The following AGBL4 variants were observed in gnomAD, a reference collection of about 807,000 sequenced individuals.
The protein encoded by AGBL4 is AGBL carboxypeptidase 4.
A neutral mutation model predicts 66.4 loss-of-function variants in AGBL4; 58 were observed. The ratio of observed to expected loss-of-function variants is 0.87; its 90% CI spans 0.71 to 1.09. The LOEUF is 1.09. Ranked by LOEUF, AGBL4 falls within the 50% of genes least tolerant of loss-of-function variation. The pLI is 0.00. For synonymous variants in AGBL4, 234 were observed against 222.9 expected (o/e 1.05, Z -0.44); for missense variants, 579 against 631.0 (o/e 0.92, Z 0.88).
In AGBL4 at chr1:49,050,496, G is replaced by C. The variant is rs182152348; in HGVS notation, c.378-4696C>G. 1.8e-3 allele frequency among the ~76,000 whole-genome samples: 281 copies of C among 152,184 alleles called. 2 individuals carry two copies. Among genetic ancestry groups the C allele is most frequent in the African/African-American group, 6.4e-3 (267 of 41,532 alleles). ...AACACTTATGAATGGATAAATGTTT[G>C]TGAATAAATAATGTCAGCTCCACTA... On this transcript the variant is annotated intron_variant, in intron 4 of 13. Transcript: ENST00000371839.
At chr1:49,175,246 C>T (rs544561077) in intron 4 of AGBL4, among the ~76,000 whole-genome samples, 6 of 151,500 alleles carry the variant, frequency 4.0e-5, no homozygotes, top group Non-Finnish European at 7.4e-5. Flanking sequence ...GGGAAATGGG[C>T]ATATAAGGGG....
intron 3 of AGBL4, among the ~76,000 whole-genome samples, chr1:49,362,041 ACTTGGATG>A (rs1182207262): frequency 6.6e-6 from 1 of 152,058 alleles, no homozygotes; most frequent in East Asian, 1.9e-4. Flanking sequence ...CCTTCCTTCC[ACTTGGATG>A]CTAAGGACAA....
intron 4 of AGBL4, among the ~76,000 whole-genome samples, chr1:49,113,958 A>AT: frequency 6.6e-6 from 1 of 152,278 alleles, no homozygotes; most frequent in East Asian, 1.9e-4. Context: ...AACAGAGGAT[A>AT]TTTTTTATAA....
Position 48,820,768 on chromosome 1 carries a change from T to C in AGBL4, c.634+46423A>G, listed in dbSNP as rs553179092. Among the ~76,000 whole-genome samples the C allele has an allele frequency of 3.2e-4, 49 of 152,108 alleles. No homozygotes were observed. In the South Asian group the frequency reaches 9.7e-3, roughly 30 times the overall value. On this transcript the variant is annotated intron_variant, in intron 6 of 13. Transcript: ENST00000371839. Reference sequence around the variant, plus strand: ...CTATACCATTAGGGGACTTAATAAATGATAAAGTTTCTGCACAGCTAAAGA... The same window carrying C: ...CTATACCATTAGGGGACTTAATAAACGATAAAGTTTCTGCACAGCTAAAGA...
At chr1:49,127,132 T>C (rs969271190) in intron 4 of AGBL4, among the ~76,000 whole-genome samples, 1 of 152,194 alleles carries the variant, frequency 6.6e-6, no homozygotes, top group African/African-American at 2.4e-5. Flanking sequence ...TAGACTCTAA[T>C]TCTTGAAATA....
chr1:48,591,040 A>AG, intron 9 of AGBL4, 55 bp from the exon 10 acceptor site: 1 of 1,513,988 alleles, frequency 6.6e-7, no homozygotes, highest in Non-Finnish European at 8.9e-7. Flanking sequence ...CTTGTGTATA[A>AG]GGGACCAGAC....
chr1:49,566,515 C>G (rs1230690078), intron 3 of AGBL4, among the ~76,000 whole-genome samples: 1 of 152,200 alleles, frequency 6.6e-6, no homozygotes, highest in African/African-American at 2.4e-5. Flanking sequence ...TTCCTTCTAA[C>G]AGTCAGGAAC....
chr1:49,076,023 G>A (rs1004126359), intron 4 of AGBL4, among the ~76,000 whole-genome samples: 2 of 152,170 alleles, frequency 1.3e-5, no homozygotes, highest in South Asian at 2.1e-4. Context: ...CCTGGCAATC[G>A]GCATAGAGTT....
chr1:48,586,986 G>A lies in AGBL4; in HGVS notation c.1267+18C>T. ...CTGGATGAGGGCTGGCCCAAGGCTG[G>A]GTGGGGACTAAGGATACAGGCTTCT... On this transcript the variant is annotated intron_variant, in intron 11 of 13. Coordinates refer to ENST00000371839, the MANE Select transcript of AGBL4 (RefSeq NM_032785.4). 6.2e-7 allele frequency: 1 copy of A among 1,609,788 alleles called. No individual in the cohort carries two copies. The highest frequency in any genetic ancestry group is 2.2e-5 in the East Asian group (1 of 44,776).
At chr1:48,629,682 T>C (rs752826166) in intron 9 of AGBL4, among the ~76,000 whole-genome samples, 8 of 152,102 alleles carry the variant, frequency 5.3e-5, no homozygotes, top group Non-Finnish European at 8.8e-5. Flanking sequence ...GAAGCAAGTA[T>C]ATGAAGATGA....
intron 3 of AGBL4, among the ~76,000 whole-genome samples, chr1:49,572,043 C>G (rs1193396859): frequency 6.6e-6 from 1 of 151,820 alleles, no homozygotes; most frequent in African/African-American, 2.4e-5. Context: ...TATGCTGTGT[C>G]CTTGTTTGCT....
At chr1:48,545,716 A>C (rs527942954) in intron 11 of AGBL4, among the ~76,000 whole-genome samples, 5 of 152,228 alleles carry the variant, frequency 3.3e-5, no homozygotes, top group Non-Finnish European at 7.3e-5. Flanking sequence ...GAATCAAGAC[A>C]CTCAAAGCAA....
chr1:49,546,115 T>C (rs1044919771), intron 3 of AGBL4, among the ~76,000 whole-genome samples: 1 of 152,094 alleles, frequency 6.6e-6, no homozygotes, highest in Non-Finnish European at 1.5e-5. Flanking sequence ...CACATGTCAG[T>C]GAGAACATAT....
chr1:48,980,578 T>C (rs1659668465), intron 5 of AGBL4, among the ~76,000 whole-genome samples: 1 of 151,588 alleles, frequency 6.6e-6, no homozygotes, highest in Non-Finnish European at 1.5e-5. Context: ...CCAGTATCTG[T>C]AGTCACAGCT....
intron 4 of AGBL4, among the ~76,000 whole-genome samples, chr1:49,143,900 A>T (rs1235091791): frequency 6.6e-6 from 1 of 152,196 alleles, no homozygotes; most frequent in Non-Finnish European, 1.5e-5. Flanking sequence ...ATCCAGACTG[A>T]GCTGGTTCTC....
chr1:48,639,604 C>T (rs1162090008), intron 8 of AGBL4, among the ~76,000 whole-genome samples: 1 of 152,200 alleles, frequency 6.6e-6, no homozygotes, highest in South Asian at 2.1e-4. Flanking sequence ...ACAAAATATT[C>T]GAGGAAAAGT....
intron 1 of AGBL4, among the ~76,000 whole-genome samples, chr1:49,881,812 G>A (rs1215374084): frequency 1.5e-4 from 22 of 151,690 alleles, no homozygotes; most frequent in African/African-American, 5.1e-4. Context: ...AGTAGGTTGC[G>A]AAAATTTTCT....
At chr1:48,780,682 A>T (rs550008652) in intron 6 of AGBL4, among the ~76,000 whole-genome samples, 1 of 152,334 alleles carries the variant, frequency 6.6e-6, no homozygotes, top group South Asian at 2.1e-4. Context: ...TGGGGAAAGG[A>T]TTCCCTGTTT....
At chr1:48,843,221 T>C (rs1220706906) in intron 6 of AGBL4, among the ~76,000 whole-genome samples, 1 of 152,154 alleles carries the variant, frequency 6.6e-6, no homozygotes, top group African/African-American at 2.4e-5. Context: ...AAAATTTATA[T>C]GTGTAATAAA....
Sources: allele counts gnomAD v4.1 joint callset (sites outside exome capture counted in the v4.1 genomes callset), GRCh38; gene constraint gnomAD v4.1.1; transcripts MANE v1.5; gene names NCBI Gene and HGNC (gene_info 2026-07-23, HGNC 2026-07-21).